HIVEP3: variants seen among roughly 807,000 people sequenced by gnomAD.
The protein encoded by HIVEP3 is transcription factor HIVEP3.
HIVEP3 carries 49 observed loss-of-function variants against 152.8 expected under a neutral mutation model. That is an observed-to-expected ratio of 0.32 (90% CI 0.26 to 0.41). The LOEUF (loss-of-function observed/expected upper bound fraction) is 0.41, where lower values mean the gene tolerates loss of function less well. Among genes scored for constraint, HIVEP3 ranks in the 10% least tolerant of loss-of-function variants. HIVEP3 has a pLI of 1.00. For synonymous variants in HIVEP3, 1,269 were observed against 1,289.0 expected, an observed-to-expected ratio of 0.98 and a Z score of 0.33; for missense variants, 2,790 against 3,103.3, an observed-to-expected ratio of 0.90 and a Z score of 2.40.
At chr1:41,800,913 C>G (rs563682046) in intron 1 of HIVEP3, among the ~76,000 whole-genome samples, 1 of 152,322 alleles carries the variant, frequency 6.6e-6, no homozygotes, top group South Asian at 2.1e-4. Flanking sequence ...AATTCGTTAC[C>G]TGCCTACCTA....
In HIVEP3 at chr1:41,509,827, A is replaced by AC. The variant is rs1558010605; in HGVS notation, c.*623_*624insG. 7.0e-6 allele frequency: 1 copy of AC among 143,684 alleles called. No homozygotes were observed. Among genetic ancestry groups the AC allele is most frequent in the Non-Finnish European group, 1.5e-5 (1 of 66,340 alleles). 8.9% of individuals were successfully genotyped at this position (143,684 alleles called of 1,614,324 possible). On this transcript the variant is annotated 3_prime_UTR_variant, in exon 9 of 9. Coordinates refer to ENST00000372583, the MANE Select transcript of HIVEP3 (RefSeq NM_024503.5). ...AGTATCATTTTATTTTCTTGCAAAA[A>AC]AAAAAAAAAAAAAAAAAAAGGAAAA...
rs540400205 is a variant in HIVEP3 at position 41,744,771 on chromosome 1, A to C, written c.-800-43776T>G. Among the ~76,000 whole-genome samples, 7 of 152,324 alleles carry C rather than the reference A, an allele frequency of 4.6e-5. No homozygotes were observed. The South Asian group carries it at 1.2e-3, about 27-fold the overall frequency. On this transcript the variant is annotated intron_variant, in intron 1 of 8. Coordinates refer to ENST00000372583, the MANE Select transcript of HIVEP3 (RefSeq NM_024503.5). ...AACACATACATATCTAACATATTAC[A>C]TTCCAACACATACATATCTAACATA...
At chr1:41,559,662 C>T (rs2149087459) in intron 5 of HIVEP3, among the ~76,000 whole-genome samples, 1 of 152,326 alleles carries the variant, frequency 6.6e-6, no homozygotes, top group Admixed American at 6.5e-5. Flanking sequence ...TTGCCTCCTA[C>T]TTCCTTCCTC....
At position 41,774,772 on chromosome 1, in the gene HIVEP3, TTTTA is replaced by T. The variant is rs199947047; in HGVS notation, c.-800-73781_-800-73778del. 9.6e-3 allele frequency among the ~76,000 whole-genome samples: 1,378 copies of T among 143,786 alleles called. 23 individuals carry two copies. Among genetic ancestry groups the T allele is most frequent in the African/African-American group, 0.032 (1,190 of 37,706 alleles). 94.3% of individuals were successfully genotyped at this position (143,786 alleles called of 152,430 possible). A position where few individuals can be genotyped will look rare whatever the true frequency, so the allele number is the denominator to read the frequency against. On this transcript the variant is annotated intron_variant, in intron 1 of 8. Coordinates refer to ENST00000372583, the MANE Select transcript of HIVEP3 (RefSeq NM_024503.5). Reference sequence around the variant, plus strand: ...CTTAAGTTTTCACAAGCATCTTTTATTTTATTTATTTATTTATTTATTTATTTAT... The same window carrying T: ...CTTAAGTTTTCACAAGCATCTTTTATTTTATTTATTTATTTATTTATTTAT...
At chr1:41,695,287 G>A (rs1239676272) in intron 2 of HIVEP3, among the ~76,000 whole-genome samples, 1 of 152,212 alleles carries the variant, frequency 6.6e-6, no homozygotes, top group Non-Finnish European at 1.5e-5. Flanking sequence ...TGCCCAGGGG[G>A]TTGTGGCTTT....
chr1:41,868,107 A>G (rs1323812954), intron 1 of HIVEP3, among the ~76,000 whole-genome samples: 1 of 151,828 alleles, frequency 6.6e-6, no homozygotes, highest in African/African-American at 2.4e-5. Context: ...CCCCTAGCTG[A>G]TACTAACTCC....
At chr1:41,760,364 C>T (rs1647590831) in intron 1 of HIVEP3, among the ~76,000 whole-genome samples, 1 of 152,168 alleles carries the variant, frequency 6.6e-6, no homozygotes, top group African/African-American at 2.4e-5. Context: ...ACCTGGGTTC[C>T]TGCCCTCCCT....
chr1:41,541,875 T>C (rs1243915696), intron 5 of HIVEP3, among the ~76,000 whole-genome samples: 2 of 152,234 alleles, frequency 1.3e-5, no homozygotes, highest in African/African-American at 4.8e-5. Flanking sequence ...CTCATGGTTG[T>C]ATACTTATGA....
In HIVEP3 at chr1:41,547,421, GGGGGTGCCTGGCCT is replaced by G. The variant is rs1643829764; in HGVS notation, c.5208-22525_5208-22512del. On this transcript the variant is annotated intron_variant, in intron 5 of 8. Transcript: ENST00000372583. Reference sequence around the variant, plus strand: ...GAGGGCCAGGGAGGCTCCAGGGAATGGGGGTGCCTGGCCTGGGCTTTGAAGATGAAGAAGGGGAA... The same window carrying G: ...GAGGGCCAGGGAGGCTCCAGGGAATGGGGCTTTGAAGATGAAGAAGGGGAA... Among the ~76,000 whole-genome samples, 3 of 152,314 alleles carry G rather than the reference GGGGGTGCCTGGCCT, an allele frequency of 2.0e-5. No individual in the cohort carries two copies. The South Asian group carries it at 6.2e-4, about 32-fold the overall frequency.
intron 1 of HIVEP3, among the ~76,000 whole-genome samples, chr1:41,885,273 G>C (rs563568674): frequency 1.7e-4 from 26 of 152,242 alleles, no homozygotes; most frequent in Admixed American, 7.2e-4. Flanking sequence ...CTGCTCTCCA[G>C]CCCCATTTCT....
At chr1:41,636,823 G>A (rs1645280801) in intron 2 of HIVEP3, among the ~76,000 whole-genome samples, 1 of 152,164 alleles carries the variant, frequency 6.6e-6, no homozygotes, top group Non-Finnish European at 1.5e-5. Flanking sequence ...GCCCAGCATG[G>A]TGGCACATGC....
intron 1 of HIVEP3, among the ~76,000 whole-genome samples, chr1:41,724,072 G>T (rs185533572): frequency 6.6e-6 from 1 of 152,174 alleles, no homozygotes; most frequent in Admixed American, 6.5e-5. Flanking sequence ...TATCATGAGG[G>T]GGGAGGGGCA....
chr1:41,526,950 C>T (rs752962045), intron 5 of HIVEP3, among the ~76,000 whole-genome samples: 2 of 120,756 alleles, frequency 1.7e-5, no homozygotes, highest in African/African-American at 3.1e-5. Context: ...CACACATGCT[C>T]ACACCCCACT....
rs750850218 is a variant in HIVEP3, at chr1:41,580,396, A to G, written c.4402T>C (p.Cys1468Arg). The G allele has an allele frequency of 1.9e-6, 3 of 1,614,112 alleles. No individual in the cohort carries two copies. The Admixed American group carries it at 5.0e-5, about 27-fold the overall frequency. Reference protein sequence around the residue: ...ADEKLELVKPCSVVLTSTEDG... With the variant: ...ADEKLELVKPRSVVLTSTEDG... ...TCGGTGCTGGTAAGGACCACACTGC[A>G]TGGTTTTACCAGCTCAAGTTTTTCA... is the stretch of plus-strand genomic sequence containing the variant. Residue 1468 changes from cysteine (C) to arginine (R), a missense_variant, in exon 4 of 9, where the codon TGC (cysteine) becomes CGC (arginine). Cys to Arg is a radical substitution (Grantham distance 180, BLOSUM62 -3). Coordinates refer to ENST00000372583, the MANE Select transcript of HIVEP3 (RefSeq NM_024503.5).
rs1642668839 is a variant in HIVEP3 at position 41,518,420 on chromosome 1, C to G, written c.5452G>C (p.Glu1818Gln). 14 of 1,614,162 alleles carry G rather than the reference C, an allele frequency of 8.7e-6. No homozygotes were observed. Among genetic ancestry groups the G allele is most frequent in the Non-Finnish European group, 1.2e-5 (14 of 1,179,996 alleles). ...KKCQETGVLEELEAEEGTSDD... is the reference protein window; with the variant it reads ...KKCQETGVLEQLEAEEGTSDD... The stretch of plus-strand genomic sequence containing the variant: ...TTGTTACCTTCTTCGGCTTCCAGCT[C>G]CTCCAGCACCCCTGTCTCTTGGCAC... The change falls in exon 7 of 9, where the codon GAG becomes CAG. Residue 1818 changes from glutamate to glutamine, a missense_variant. Coordinates refer to ENST00000372583, the MANE Select transcript of HIVEP3 (RefSeq NM_024503.5).
At chr1:41,512,773 C>G (rs1026775129) in intron 8 of HIVEP3, 43 bp downstream of exon 8, 29 of 1,424,776 alleles carry the variant, frequency 2.0e-5, no homozygotes, top group Non-Finnish European at 2.5e-5. Flanking sequence ...ACCCCTGCAC[C>G]CACAGGGGAG....
chr1:41,850,104 T>G (rs886637369), intron 1 of HIVEP3, among the ~76,000 whole-genome samples: 2 of 152,164 alleles, frequency 1.3e-5, no homozygotes, highest in Non-Finnish European at 2.9e-5. Context: ...ACTCCTACGG[T>G]TTTTTAATCA....
Position 41,518,505 on chromosome 1 carries a change from A to T in HIVEP3, c.5384-17T>A. 6.2e-7 allele frequency: 1 copy of T among 1,608,490 alleles called. No homozygotes were observed. The highest frequency in any genetic ancestry group is 8.5e-7 in the Non-Finnish European group (1 of 1,174,864). On this transcript the variant is annotated splice_polypyrimidine_tract_variant and intron_variant, in intron 6 of 8. Coordinates refer to ENST00000372583, the MANE Select transcript of HIVEP3 (RefSeq NM_024503.5). ...TCAGATTCCCTAGAAAGAAACGAGA[A>T]TACTTAGGCTCTGCTATGGGGCAGG...
At position 41,581,125 on chromosome 1, in the gene HIVEP3, G is replaced by T; in HGVS notation, c.3673C>A (p.Pro1225Thr). Residue 1225 changes from proline to threonine, a missense_variant, in exon 4 of 9, where the codon CCC (proline) becomes ACC (threonine). By Grantham distance (38) the Pro-to-Thr change is conservative (BLOSUM62 -1). Coordinates refer to ENST00000372583, the MANE Select transcript of HIVEP3 (RefSeq NM_024503.5). This position sits in a 1 kb window ranked among gnomAD's most constrained non-coding sequence, Gnocchi z 4.5. ...GCTGAGGAGGTCGGGTATGGCATGG[G>T]GAGGAAGGAAGGGGGCTGCCTGAAG... ...IPFRQPPSFL[P>T]MPYPTSSALS... is the part of the protein sequence containing the mutation. 1 of 1,553,534 alleles carries T rather than the reference G, an allele frequency of 6.4e-7. No individual in the cohort carries two copies. The highest frequency in any genetic ancestry group is 8.7e-7 in the Non-Finnish European group (1 of 1,150,052).
Sources: gnomAD v4.1 joint callset for allele counts (sites outside exome capture counted in the v4.1 genomes callset) on GRCh38, gnomAD v4.1.1 for gene constraint, Gnocchi (gnomAD v3.1) non-coding constraint, MANE v1.5 for transcripts, NCBI Gene and HGNC (gene_info 2026-07-23, HGNC 2026-07-21) for gene names.